Variants in MGAM2 observed in about 807,000 individuals in gnomAD.
MGAM2 encodes the protein maltase-glucoamylase 2 (putative), also known as probable maltase-glucoamylase 2.
MGAM2 carries 98 observed loss-of-function variants against 96.1 expected under a neutral mutation model. That is an observed-to-expected ratio of 1.02 (90% CI 0.87 to 1.21). MGAM2 has a LOEUF of 1.21. Ranked by LOEUF, MGAM2 falls within the 50% of genes most tolerant of loss-of-function variation. MGAM2 has a pLI of 0.00. For synonymous variants in MGAM2, 749 were observed against 414.8 expected, an observed-to-expected ratio of 1.81 and a Z score of -9.79; for missense variants, 2,055 against 1,182.4, an observed-to-expected ratio of 1.74 and a Z score of -10.82.
rs1446219097 is a variant in MGAM2 at position 142,157,918 on chromosome 7, T to C, written c.1924-19T>C. The C allele has an allele frequency of 2.8e-6, 2 of 702,212 alleles. No homozygotes were observed. The highest frequency in any genetic ancestry group is 2.0e-5 in the Admixed American group (1 of 49,940). 43.5% of individuals were successfully genotyped at this position (702,212 alleles called of 1,614,324 possible). A position where few individuals can be genotyped will look rare whatever the true frequency, so the allele number is the denominator to read the frequency against. On this transcript the variant is annotated intron_variant, in intron 17 of 47. Coordinates refer to ENST00000477922, the MANE Select transcript of MGAM2 (RefSeq NM_001293626.2). ...ATGATGGAAAGAAATATTCAGCCAT[T>C]CCTTCCATTTTCTCCTAGGACCAGG...
chr7:142,160,085 C>A (rs1350024746), intron 20 of MGAM2, 49 bp from the exon 21 acceptor site: 3 of 669,812 alleles, frequency 4.5e-6, no homozygotes, highest in Non-Finnish European at 8.1e-6. Context: ...CCCCTCCTAG[C>A]TGAAACAGCT....
In MGAM2 at chr7:142,144,600, T is replaced by C. The variant is rs375179005; in HGVS notation, c.1432-261T>C. ...AAATGGTATTTCTGAATTAGCTGAT[T>C]GAAATCAATTTATAAAAAGTAAAAA... On this transcript the variant is annotated intron_variant, in intron 13 of 47. Transcript: ENST00000477922. Among the ~76,000 whole-genome samples, 5 of 152,186 alleles carry C rather than the reference T, an allele frequency of 3.3e-5. No individual in the cohort carries two copies. The East Asian group carries it at 9.6e-4, about 29-fold the overall frequency.
chr7:142,133,875 C>A, intron 6 of MGAM2, 106 bp from the exon 7 acceptor site: 1 of 503,376 alleles, frequency 2.0e-6, no homozygotes, highest in Non-Finnish European at 3.6e-6. Context: ...ATTGCTAACG[C>A]CTGAAACAAC....
rs1312929842 is a variant in MGAM2, at chr7:142,218,437, T to C, written c.5264T>C (p.Ile1755Thr). The C allele has an allele frequency of 5.7e-6, 4 of 702,544 alleles. No individual in the cohort carries two copies. The highest frequency in any genetic ancestry group is 1.5e-5 in the South Asian group (1 of 67,548). The allele number at this position is 702,544 out of a possible 1,614,324, so 43.5% of individuals were successfully genotyped here. ...SNPLKVGYIR[I>T]WGVNTYVTQV... ...CCACTAAAAGTTGGGTATATTAGAA[T>C]CTGGGGTGTGAATACCTATGTGACA... is the stretch of plus-strand genomic sequence containing the variant. Residue 1755 changes from isoleucine to threonine, a missense_variant, in exon 47 of 48, where the codon ATC (isoleucine) becomes ACC (threonine). By Grantham distance (89) the Ile-to-Thr change is moderately conservative. Coordinates refer to ENST00000477922, the MANE Select transcript of MGAM2 (RefSeq NM_001293626.2).
intron 24 of MGAM2, among the ~76,000 whole-genome samples, chr7:142,165,273 A>G (rs1250390194): frequency 6.6e-6 from 1 of 152,176 alleles, no homozygotes; most frequent in Non-Finnish European, 1.5e-5. Context: ...CTCTGGGCGC[A>G]GTTAAAATGA....
chr7:142,134,180 C>A, intron 7 of MGAM2, 28 bp downstream of exon 7: 2 of 715,164 alleles, frequency 2.8e-6, no homozygotes, highest in Non-Finnish European at 5.1e-6. Context: ...CTGAGTATCG[C>A]CCACAGTAAG....
intron 19 of MGAM2, 97 bp downstream of exon 19, chr7:142,158,429 T>A (rs1795798996): frequency 1.6e-6 from 1 of 628,324 alleles, no homozygotes; most frequent in African/African-American, 1.8e-5. Flanking sequence ...TGCATTTATA[T>A]CAAAATATGA....
At chr7:142,187,936 A>G (rs1355543878) in intron 36 of MGAM2, 102 bp downstream of exon 36, 2 of 621,688 alleles carry the variant, frequency 3.2e-6, no homozygotes, top group African/African-American at 3.7e-5. Flanking sequence ...GACAGAAACC[A>G]TTCTCCAACA....
At chr7:142,182,327 G>A (rs1431018652) in intron 32 of MGAM2, among the ~76,000 whole-genome samples, 1 of 152,148 alleles carries the variant, frequency 6.6e-6, no homozygotes, top group Non-Finnish European at 1.5e-5. Flanking sequence ...TGTGCTGTGT[G>A]CATTCTCTTT....
intron 7 of MGAM2, among the ~76,000 whole-genome samples, chr7:142,135,744 A>ACG (rs1563253351): frequency 1.3e-5 from 2 of 151,864 alleles, no homozygotes; most frequent in Non-Finnish European, 2.9e-5. Flanking sequence ...ACACACACAC[A>ACG]CACACACACA....
chr7:142,174,713 C>CTTTTTTT (rs1410980226), intron 31 of MGAM2, among the ~76,000 whole-genome samples: 1 of 78,262 alleles, frequency 1.3e-5, no homozygotes, highest in Admixed American at 1.3e-4. Flanking sequence ...CTCTCTCTCT[C>CTTTTTTT]TCTTTTTTTT....
chr7:142,114,137 A>AGAAAGAAAGAAAGAAG lies in MGAM2; in HGVS notation c.-1+2346_-1+2361dup, dbSNP rs1563242487. The stretch of plus-strand genomic sequence containing the variant: ...CAGAGCGAGACTCCATCTCAAAAAA[A>AGAAAGAAAGAAAGAAG]GAAAGAAAGAAAGAAGGAAAGAAAG... On this transcript the variant is annotated intron_variant, in intron 1 of 47. Transcript: ENST00000477922. 3.1e-4 allele frequency among the ~76,000 whole-genome samples: 38 copies of AGAAAGAAAGAAAGAAG among 122,952 alleles called. 2 individuals carry two copies. Among genetic ancestry groups the AGAAAGAAAGAAAGAAG allele is most frequent in the Non-Finnish European group, 5.8e-4 (36 of 61,718 alleles). The allele number at this position is 122,952 out of a possible 152,430, so 80.7% of individuals were successfully genotyped here.
rs1020539175 is a variant in MGAM2, at chr7:142,221,600, C to A, written c.7089C>A (p.Thr2363=). 2 of 496,656 alleles carry A rather than the reference C, an allele frequency of 4.0e-6. No homozygotes were observed. The highest frequency in any genetic ancestry group is 7.0e-6 in the Non-Finnish European group (2 of 284,804). The allele number at this position is 496,656 out of a possible 1,614,324, so 30.8% of individuals were successfully genotyped here. The change falls in exon 48 of 48, where the codon ACC becomes ACA. Residue 2363 remains threonine, a synonymous_variant. Transcript: ENST00000477922. Reference sequence around the variant, plus strand: ...ATGCTACGGTCACTACTACCAGCACCAAAGATAATACCATGAGTCCAGATA... The same window carrying A: ...ATGCTACGGTCACTACTACCAGCACAAAAGATAATACCATGAGTCCAGATA... ...VIDATVTTTS[T]KDNTMSPDTT...
In MGAM2 at chr7:142,145,629, G is replaced by T. The variant is rs527534503; in HGVS notation, c.1516+684G>T. The stretch of plus-strand genomic sequence containing the variant: ...ATCTCAGTGGATTAACACAATAATC[G>T]TTTACTTTTTGCTCACATCATACTC... On this transcript the variant is annotated intron_variant, in intron 14 of 47. Transcript: ENST00000477922. Among the ~76,000 whole-genome samples, 3 of 152,258 alleles carry T rather than the reference G, an allele frequency of 2.0e-5. No homozygotes were observed. In the East Asian group the frequency reaches 5.8e-4, roughly 29 times the overall value.
At chr7:142,135,540 CT>C (rs1177548117) in intron 7 of MGAM2, among the ~76,000 whole-genome samples, 2 of 152,018 alleles carry the variant, frequency 1.3e-5, no homozygotes, top group African/African-American at 4.8e-5. Context: ...CTAGCTGAGG[CT>C]TATTGATCTT....
intron 3 of MGAM2, among the ~76,000 whole-genome samples, chr7:142,120,951 T>C (rs372576313): frequency 1.3e-5 from 2 of 152,332 alleles, no homozygotes; most frequent in South Asian, 4.1e-4. Flanking sequence ...CCCTGATTAG[T>C]TGTGACTTAG....
chr7:142,182,792 C>T (rs917378556), intron 32 of MGAM2, among the ~76,000 whole-genome samples: 1 of 152,198 alleles, frequency 6.6e-6, no homozygotes, highest in Non-Finnish European at 1.5e-5. Flanking sequence ...TTTGCATTGC[C>T]TCTCTATAGA....
chr7:142,217,348 G>A (rs569676730), intron 46 of MGAM2, among the ~76,000 whole-genome samples: 4 of 152,230 alleles, frequency 2.6e-5, no homozygotes, highest in South Asian at 2.1e-4. Flanking sequence ...GGCACCTTGC[G>A]CTTCCAACTT....
At chr7:142,154,604 C>G (rs1458426036) in intron 16 of MGAM2, 125 bp from the exon 17 acceptor site, 1 of 619,022 alleles carries the variant, frequency 1.6e-6, no homozygotes, top group African/African-American at 1.8e-5. Context: ...CCCTGTGACT[C>G]TGGGATCTCC....
Sources: allele counts gnomAD v4.1 joint callset (sites outside exome capture counted in the v4.1 genomes callset), GRCh38; gene constraint gnomAD v4.1.1; transcripts MANE v1.5; gene names NCBI Gene and HGNC (gene_info 2026-07-23, HGNC 2026-07-21).